GPC5: variants seen among roughly 807,000 people sequenced by gnomAD.
GPC5 encodes the protein glypican 5, also known as glypican-5.
Under a neutral mutation model 53.9 loss-of-function variants are expected in GPC5, and 47 were observed. The ratio of observed to expected loss-of-function variants is 0.87; its 90% CI spans 0.69 to 1.11. The LOEUF (loss-of-function observed/expected upper bound fraction) is 1.11. GPC5 is among the 50% of genes most tolerant of loss of function. The pLI is 0.00. For synonymous variants in GPC5, 286 were observed against 263.3 expected, an observed-to-expected ratio of 1.09 and a Z score of -0.84; for missense variants, 748 against 713.1, an observed-to-expected ratio of 1.05 and a Z score of -0.56.
At chr13:92,859,621 G>A (rs549756971) in intron 7 of GPC5, among the ~76,000 whole-genome samples, 2 of 151,800 alleles carry the variant, frequency 1.3e-5, no homozygotes, top group East Asian at 3.9e-4. Flanking sequence ...TTATCACTAA[G>A]AACTAGTATA....
intron 2 of GPC5, among the ~76,000 whole-genome samples, chr13:91,550,046 G>A (rs149215825): frequency 1.6e-3 from 238 of 152,194 alleles, no homozygotes; most frequent in Non-Finnish European, 2.4e-3. Context: ...GTAGATAATG[G>A]AATATTATTC....
At chr13:92,486,299 T>C (rs1434879080) in intron 7 of GPC5, among the ~76,000 whole-genome samples, 2 of 152,154 alleles carry the variant, frequency 1.3e-5, no homozygotes, top group African/African-American at 2.4e-5. Flanking sequence ...AAAAATACAC[T>C]GAGAAATGGT....
At chr13:91,981,254 C>T (rs1420341078) in intron 6 of GPC5, among the ~76,000 whole-genome samples, 2 of 151,466 alleles carry the variant, frequency 1.3e-5, no homozygotes, top group African/African-American at 4.8e-5. Flanking sequence ...GATAAACTGG[C>T]TCTTTGGAGA....
chr13:92,030,777 A>C (rs919523404), intron 6 of GPC5, among the ~76,000 whole-genome samples: 1 of 152,226 alleles, frequency 6.6e-6, no homozygotes, highest in African/African-American at 2.4e-5. Flanking sequence ...CGCCATTTGC[A>C]GCGGGGAAGA....
At chr13:91,847,474 A>T (rs1297163710) in intron 5 of GPC5, among the ~76,000 whole-genome samples, 1 of 152,102 alleles carries the variant, frequency 6.6e-6, no homozygotes, top group Admixed American at 6.5e-5. Context: ...ACCATGTAGA[A>T]TTAGGCATGG....
At chr13:92,471,048 G>A (rs1878889916) in intron 7 of GPC5, among the ~76,000 whole-genome samples, 1 of 152,084 alleles carries the variant, frequency 6.6e-6, no homozygotes. Context: ...AACACAGTGA[G>A]CCCCTCTCCA....
At chr13:92,586,166 C>A (rs1381149473) in intron 7 of GPC5, among the ~76,000 whole-genome samples, 1 of 152,166 alleles carries the variant, frequency 6.6e-6, no homozygotes, top group Non-Finnish European at 1.5e-5. Context: ...AGAATGGTGT[C>A]AAGCTTGCCA....
chr13:91,549,689 A>G (rs2030510966), intron 2 of GPC5, among the ~76,000 whole-genome samples: 1 of 152,170 alleles, frequency 6.6e-6, no homozygotes, highest in South Asian at 2.1e-4. Flanking sequence ...GAGGGAAATA[A>G]AAATTAAAAC....
intron 7 of GPC5, among the ~76,000 whole-genome samples, chr13:92,755,264 A>G (rs1002912791): frequency 4.9e-5 from 7 of 141,770 alleles, no homozygotes; most frequent in South Asian, 2.6e-4. Flanking sequence ...AGAAATAAAG[A>G]TGTTCTTTGA....
At chr13:92,497,676 C>T (rs1880028379) in intron 7 of GPC5, among the ~76,000 whole-genome samples, 1 of 152,144 alleles carries the variant, frequency 6.6e-6, no homozygotes, top group South Asian at 2.1e-4. Flanking sequence ...GTAGCACTGA[C>T]TCTATAAATT....
chr13:92,194,784 C>T (rs2042246101), intron 7 of GPC5, among the ~76,000 whole-genome samples: 1 of 152,196 alleles, frequency 6.6e-6, no homozygotes, highest in Admixed American at 6.5e-5. Flanking sequence ...CATCAGATTT[C>T]ACTTCCAATG....
chr13:91,742,007 A>G (rs967769022), intron 4 of GPC5, among the ~76,000 whole-genome samples: 14 of 152,178 alleles, frequency 9.2e-5, no homozygotes, highest in African/African-American at 2.7e-4. Context: ...AATGAAAAAA[A>G]ATCTGCTTAA....
chr13:92,506,236 C>T (rs1880364161), intron 7 of GPC5, among the ~76,000 whole-genome samples: 1 of 152,054 alleles, frequency 6.6e-6, no homozygotes, highest in African/African-American at 2.4e-5. Flanking sequence ...TCTCTGAGGA[C>T]TTTAAGAGAA....
At chr13:91,607,685 A>G (rs1291470126) in intron 2 of GPC5, among the ~76,000 whole-genome samples, 1 of 152,228 alleles carries the variant, frequency 6.6e-6, no homozygotes, top group Non-Finnish European at 1.5e-5. Context: ...CGTTGTTCTT[A>G]GCCAATATAA....
chr13:92,753,701 G>C (rs1333831614), intron 7 of GPC5, among the ~76,000 whole-genome samples: 1 of 152,046 alleles, frequency 6.6e-6, no homozygotes, highest in East Asian at 1.9e-4. Flanking sequence ...CTCAGGAGCC[G>C]ATGCGATCAA....
At chr13:91,470,989 C>G (rs770355604) in intron 2 of GPC5, among the ~76,000 whole-genome samples, 1 of 152,100 alleles carries the variant, frequency 6.6e-6, no homozygotes, top group Non-Finnish European at 1.5e-5. Context: ...TTGATCACTT[C>G]CATGAAGTGC....
chr13:92,524,068 C>A (rs766755672), intron 7 of GPC5, among the ~76,000 whole-genome samples: 2 of 152,008 alleles, frequency 1.3e-5, no homozygotes, highest in Non-Finnish European at 2.9e-5. Context: ...GTTGCTGTAA[C>A]AATTTATTAA....
intron 7 of GPC5, among the ~76,000 whole-genome samples, chr13:92,277,121 C>CATT (rs1232766202): frequency 6.6e-6 from 1 of 151,542 alleles, no homozygotes; most frequent in Non-Finnish European, 1.5e-5. Flanking sequence ...TATTTCTTAC[C>CATT]ATTATTATTA....
chr13:92,343,157 T>C (rs541880171), intron 7 of GPC5, among the ~76,000 whole-genome samples: 2 of 152,290 alleles, frequency 1.3e-5, no homozygotes, highest in East Asian at 3.9e-4. Flanking sequence ...GGTCTGGTAG[T>C]GTCCTCCTTT....
Sources: gnomAD v4.1 joint callset for allele counts (sites outside exome capture counted in the v4.1 genomes callset) on GRCh38, gnomAD v4.1.1 for gene constraint, MANE v1.5 for transcripts, NCBI Gene and HGNC (gene_info 2026-07-23, HGNC 2026-07-21) for gene names.